Variants in COL23A1 observed in about 807,000 individuals in gnomAD.
The protein encoded by COL23A1 is collagen type XXIII alpha 1 chain.
COL23A1 carries 97 observed loss-of-function variants against 99.3 expected under a neutral mutation model. The ratio of observed to expected loss-of-function variants is 0.98; its 90% CI spans 0.83 to 1.16. The LOEUF is 1.16. COL23A1 is among the 50% of genes most tolerant of loss of function. The pLI is 0.00. For synonymous variants in COL23A1, 320 were observed against 308.2 expected (o/e 1.04, Z -0.40); for missense variants, 762 against 757.4 (o/e 1.01, Z -0.07).
chr5:178,353,833 C>G (rs1474838337), intron 2 of COL23A1, among the ~76,000 whole-genome samples: 1 of 151,476 alleles, frequency 6.6e-6, no homozygotes, highest in Non-Finnish European at 1.5e-5. Flanking sequence ...TTTAACGCAG[C>G]CATTCAAAAA....
rs1229662887 is a variant in COL23A1 at position 178,366,761 on chromosome 5, G to A, written c.362-59842C>T. Reference sequence around the variant, plus strand: ...CCTCCTCCGTGCCTGTGCTTCTGCTGGTCTAAATCATTATCTATTGCTGAG... The same window carrying A: ...CCTCCTCCGTGCCTGTGCTTCTGCTAGTCTAAATCATTATCTATTGCTGAG... On this transcript the variant is annotated intron_variant, in intron 2 of 28. Coordinates refer to ENST00000390654, the MANE Select transcript of COL23A1 (RefSeq NM_173465.4). The surrounding 1 kb of genome is among the most constrained non-coding windows in gnomAD (Gnocchi z 4.4). Among the ~76,000 whole-genome samples the A allele has an allele frequency of 2.6e-5, 4 of 152,174 alleles. No individual in the cohort carries two copies. Among genetic ancestry groups the A allele is most frequent in the African/African-American group, 9.7e-5 (4 of 41,436 alleles).
chr5:178,254,803 G>A (rs1382267602), intron 16 of COL23A1, 146 bp downstream of exon 16: 4 of 681,574 alleles, frequency 5.9e-6, no homozygotes, highest in Non-Finnish European at 7.7e-6. Flanking sequence ...TTTCCACATT[G>A]GGTGCCTAGT....
intron 26 of COL23A1, 95 bp downstream of exon 26, chr5:178,242,246 C>T (rs1159934036): frequency 8.0e-6 from 12 of 1,495,846 alleles, no homozygotes; most frequent in Non-Finnish European, 1.0e-5. Context: ...ACCTGCCCGG[C>T]CTGGGTTCTC....
intron 5 of COL23A1, among the ~76,000 whole-genome samples, chr5:178,284,443 C>T (rs1192732604): frequency 6.6e-6 from 1 of 152,144 alleles, no homozygotes; most frequent in African/African-American, 2.4e-5. Context: ...GGGAAATAGA[C>T]AGCATTTATT....
At chr5:178,264,983 A>ACT (rs1755800489) in intron 8 of COL23A1, among the ~76,000 whole-genome samples, 1 of 152,118 alleles carries the variant, frequency 6.6e-6, no homozygotes, top group African/African-American at 2.4e-5. Context: ...TGAGCCGGCC[A>ACT]GTTCACTGTT....
chr5:178,351,533 G>A (rs1162132333), intron 2 of COL23A1, among the ~76,000 whole-genome samples: 1 of 152,202 alleles, frequency 6.6e-6, no homozygotes, highest in Admixed American at 6.5e-5. Flanking sequence ...GGCCAGTGAG[G>A]CCGCACTCGG....
intron 2 of COL23A1, among the ~76,000 whole-genome samples, chr5:178,422,725 G>T (rs1374744935): frequency 1.3e-5 from 2 of 151,926 alleles, no homozygotes; most frequent in Non-Finnish European, 2.9e-5. Context: ...GTAACGCCGG[G>T]GACTGTCACT....
chr5:178,249,613 G>A (rs1470031348), intron 18 of COL23A1, among the ~76,000 whole-genome samples: 4 of 151,710 alleles, frequency 2.6e-5, no homozygotes, highest in Non-Finnish European at 4.4e-5. Context: ...CACACACTGC[G>A]GACCCAGTGG....
At chr5:178,380,541 G>A (rs560044198) in intron 2 of COL23A1, among the ~76,000 whole-genome samples, 3 of 152,162 alleles carry the variant, frequency 2.0e-5, no homozygotes, top group Admixed American at 6.5e-5. Context: ...TTTTTCAGTC[G>A]CAGTTGATTT....
At chr5:178,397,789 C>T (rs1764231164) in intron 2 of COL23A1, among the ~76,000 whole-genome samples, 1 of 152,008 alleles carries the variant, frequency 6.6e-6, no homozygotes, top group African/African-American at 2.4e-5. Flanking sequence ...GAGATTGAGA[C>T]CATCCTGGCC....
At chr5:178,272,449 C>T (rs974640908) in intron 5 of COL23A1, among the ~76,000 whole-genome samples, 2 of 152,222 alleles carry the variant, frequency 1.3e-5, no homozygotes, top group African/African-American at 4.8e-5. Flanking sequence ...TTCTGGCCAC[C>T]AGTCTCATGG....
At chr5:178,405,404 T>G (rs964875478) in intron 2 of COL23A1, among the ~76,000 whole-genome samples, 1 of 152,248 alleles carries the variant, frequency 6.6e-6, no homozygotes, top group African/African-American at 2.4e-5. Flanking sequence ...GACCCAATAG[T>G]TTTAGGAGAT....
At chr5:178,327,302 G>A (rs942382136) in intron 2 of COL23A1, among the ~76,000 whole-genome samples, 6 of 152,178 alleles carry the variant, frequency 3.9e-5, no homozygotes, top group African/African-American at 9.7e-5. Flanking sequence ...TGTGGGAAAC[G>A]CTATTAGAGA....
chr5:178,423,156 AT>A (rs1339624196), intron 2 of COL23A1, among the ~76,000 whole-genome samples: 3 of 150,670 alleles, frequency 2.0e-5, no homozygotes, highest in Admixed American at 6.6e-5. Context: ...TAATTCTTAT[AT>A]TTTTTTTTGT....
At chr5:178,241,538 C>T (rs975396392) in intron 27 of COL23A1, among the ~76,000 whole-genome samples, 4 of 152,192 alleles carry the variant, frequency 2.6e-5, no homozygotes, top group Admixed American at 1.3e-4. Flanking sequence ...ACCCCGACTT[C>T]CACCCCAGGC....
chr5:178,464,970 C>T (rs542280974), intron 2 of COL23A1, among the ~76,000 whole-genome samples: 2 of 152,212 alleles, frequency 1.3e-5, no homozygotes, highest in South Asian at 2.1e-4. Flanking sequence ...TATGGAACAA[C>T]GCCTTGTAAA....
At chr5:178,312,155 G>C (rs529907298) in intron 2 of COL23A1, among the ~76,000 whole-genome samples, 1 of 152,360 alleles carries the variant, frequency 6.6e-6, no homozygotes, top group East Asian at 1.9e-4. Flanking sequence ...TGCACTTTGA[G>C]CAAAGTGCAA....
intron 14 of COL23A1, 80 bp from the exon 15 acceptor site, chr5:178,256,477 TCTTC>T: frequency 3.6e-6 from 5 of 1,388,290 alleles, no homozygotes; most frequent in Non-Finnish European, 4.9e-6. Flanking sequence ...CCCAGTCCCC[TCTTC>T]CCAGGAGGGC....
At chr5:178,391,285 C>T (rs1763948626) in intron 2 of COL23A1, among the ~76,000 whole-genome samples, 1 of 152,134 alleles carries the variant, frequency 6.6e-6, no homozygotes, top group South Asian at 2.1e-4. Context: ...TTAAAAGATA[C>T]CGTGAAGAAA....
Sources: gnomAD v4.1 joint callset for allele counts (sites outside exome capture counted in the v4.1 genomes callset) on GRCh38, gnomAD v4.1.1 for gene constraint, Gnocchi (gnomAD v3.1) non-coding constraint, MANE v1.5 for transcripts, NCBI Gene and HGNC (gene_info 2026-07-23, HGNC 2026-07-21) for gene names.